Variants in PITPNM2 observed in about 807,000 individuals in gnomAD.
PITPNM2 encodes the protein phosphatidylinositol transfer protein membrane associated 2, also known as membrane-associated phosphatidylinositol transfer protein 2.
PITPNM2 carries 35 observed loss-of-function variants against 132.2 expected under a neutral mutation model. The observed-to-expected ratio is 0.26, with a 90% CI of 0.20 to 0.35. PITPNM2 has a LOEUF of 0.35. Among genes scored for constraint, PITPNM2 ranks in the 10% least tolerant of loss-of-function variants. PITPNM2 has a pLI of 1.00. For missense variants in PITPNM2, 1,332 were observed against 1,912.0 expected (o/e 0.70, Z 5.66); for synonymous variants, 738 against 799.2 (o/e 0.92, Z 1.29).
chr12:123,049,566 T>C (rs1380732475), intron 2 of PITPNM2, among the ~76,000 whole-genome samples: 1 of 152,194 alleles, frequency 6.6e-6, no homozygotes, highest in Non-Finnish European at 1.5e-5. Context: ...CCTCACTCCC[T>C]GGCATCAACC....
In PITPNM2 at chr12:122,997,628, G is replaced by A. The variant is rs1433959299; in HGVS notation, c.1225-56C>T. The stretch of plus-strand genomic sequence containing the variant: ...CCAGGGAACCCAGCTCCTTGCTGAG[G>A]CCCCTCTGTCACCCTTGTTGGGGGT... On this transcript the variant is annotated intron_variant, in intron 10 of 25. Transcript: ENST00000320201. The A allele has an allele frequency of 5.1e-6, 8 of 1,576,410 alleles. No individual in the cohort carries two copies. The East Asian group carries it at 1.6e-4, about 31-fold the overall frequency.
chr12:123,069,702 G>A (rs2041566237), intron 2 of PITPNM2, among the ~76,000 whole-genome samples: 1 of 152,206 alleles, frequency 6.6e-6, no homozygotes, highest in Non-Finnish European at 1.5e-5. Context: ...CCACATGTTT[G>A]CCTTGGAGCT....
chr12:122,990,380 C>A (rs1240967046), intron 17 of PITPNM2, among the ~76,000 whole-genome samples, 165 bp downstream of exon 17: 4 of 152,260 alleles, frequency 2.6e-5, no homozygotes, highest in Non-Finnish European at 5.9e-5. Flanking sequence ...CTGGCCCGGG[C>A]ACTGCAGGTG....
At chr12:123,015,637 T>C (rs1020055808) in intron 3 of PITPNM2, among the ~76,000 whole-genome samples, 7 of 152,102 alleles carry the variant, frequency 4.6e-5, no homozygotes, top group Admixed American at 2.0e-4. Flanking sequence ...AATCACAAAA[T>C]GATAAAACAG....
chr12:123,093,331 T>C (rs1198422976), intron 2 of PITPNM2, among the ~76,000 whole-genome samples: 1 of 152,140 alleles, frequency 6.6e-6, no homozygotes, highest in Non-Finnish European at 1.5e-5. Context: ...TAGAAGAAAA[T>C]GTTCTAAAAT....
Position 122,993,602 on chromosome 12 carries a change from A to T in PITPNM2, c.2234-933T>A, listed in dbSNP as rs531813140. ...CAGAATTTATTTAACCAGCCCCTCC[A>T]CATAGACGGACATTTAAGTTGGTTC... On this transcript the variant is annotated intron_variant, in intron 15 of 25. Coordinates refer to ENST00000320201, the MANE Select transcript of PITPNM2 (RefSeq NM_020845.3). The surrounding 1 kb of genome is among the most constrained non-coding windows in gnomAD (Gnocchi z 5.2). Among the ~76,000 whole-genome samples the T allele has an allele frequency of 1.5e-4, 23 of 152,292 alleles. 1 individual carries two copies. The South Asian group carries it at 3.9e-3, about 26-fold the overall frequency.
intron 3 of PITPNM2, among the ~76,000 whole-genome samples, chr12:123,019,163 G>A (rs555841674): frequency 3.3e-5 from 5 of 152,276 alleles, no homozygotes; most frequent in Admixed American, 3.3e-4. Flanking sequence ...TGAATATACC[G>A]AGAACCTTTG....
At chr12:123,125,648 G>A (rs886428757) in intron 1 of PITPNM2, among the ~76,000 whole-genome samples, 1 of 151,434 alleles carries the variant, frequency 6.6e-6, no homozygotes, top group Non-Finnish European at 1.5e-5. Flanking sequence ...TTTGAGACCA[G>A]CCTGACCAAC....
chr12:122,987,504 C>A lies in PITPNM2; in HGVS notation c.3263+7G>T. The A allele has an allele frequency of 6.2e-7, 1 of 1,612,664 alleles. No individual in the cohort carries two copies. On this transcript the variant is annotated splice_region_variant and intron_variant, in intron 22 of 25. Transcript: ENST00000320201. ...GCCTATCCCGCCCTCCCAGTGCAGG[C>A]ATATACCTGACCACCATCTTGATAG...
intron 2 of PITPNM2, among the ~76,000 whole-genome samples, chr12:123,103,340 G>C (rs148879046): frequency 5.3e-4 from 81 of 152,222 alleles, no homozygotes; most frequent in African/African-American, 2.0e-3. Flanking sequence ...TTATTTGTTC[G>C]GGCCTGACAC....
In PITPNM2 at chr12:122,986,233, C is replaced by A; in HGVS notation, c.3844G>T (p.Gly1282Cys). ...ALRKGSFGLP[G>C]QGDFLRSRNH... ...CGGGAGCGCAGAAAGTCGCCCTGGC[C>A]GGGCAGGCCGAAGCTGCCCTTGCGC... The change falls in exon 26 of 26, where the codon GGC (glycine) becomes TGC (cysteine). Residue 1282 changes from glycine (G) to cysteine (C), a missense_variant. Around this residue, in one of 6 missense-constraint regions of PITPNM2, gnomAD observed 163 missense variants for 177.2 expected, o/e 0.92. Coordinates refer to ENST00000320201, the MANE Select transcript of PITPNM2 (RefSeq NM_020845.3). 6.4e-7 allele frequency: 1 copy of A among 1,572,114 alleles called. No individual in the cohort carries two copies. Among genetic ancestry groups the A allele is most frequent in the Non-Finnish European group, 8.6e-7 (1 of 1,163,786 alleles).
chr12:122,996,120 C>G (rs1327346078), intron 13 of PITPNM2, among the ~76,000 whole-genome samples: 1 of 152,208 alleles, frequency 6.6e-6, no homozygotes, highest in Non-Finnish European at 1.5e-5. Context: ...GTGAGAAAAA[C>G]TGCTACAGCT....
chr12:122,985,669 A>C lies in PITPNM2; in HGVS notation c.*358T>G. 2 of 231,842 alleles carry C rather than the reference A, an allele frequency of 8.6e-6. No homozygotes were observed. 14.4% of individuals were successfully genotyped at this position (231,842 alleles called of 1,614,324 possible). A position where few individuals can be genotyped will look rare whatever the true frequency, so the allele number is the denominator to read the frequency against. Reference sequence around the variant, plus strand: ...AGGGGACCTGGGAGTGAGGGTGGCCAGTGGATGGGGAGGTGGCAGGCTGCG... The same window carrying C: ...AGGGGACCTGGGAGTGAGGGTGGCCCGTGGATGGGGAGGTGGCAGGCTGCG... On this transcript the variant is annotated 3_prime_UTR_variant, in exon 26 of 26. Coordinates refer to ENST00000320201, the MANE Select transcript of PITPNM2 (RefSeq NM_020845.3).
At chr12:123,109,545 C>A (rs1223812660) in intron 2 of PITPNM2, among the ~76,000 whole-genome samples, 1 of 152,204 alleles carries the variant, frequency 6.6e-6, no homozygotes, top group Non-Finnish European at 1.5e-5. Flanking sequence ...CATTAAAAAC[C>A]ACACTCATGC....
intron 1 of PITPNM2, among the ~76,000 whole-genome samples, chr12:123,147,553 T>C (rs1458168802): frequency 6.6e-6 from 1 of 152,126 alleles, no homozygotes; most frequent in South Asian, 2.1e-4. Context: ...TATAGAGAGA[T>C]TTATACATAA....
In PITPNM2 at chr12:123,100,951, C is replaced by T. The variant is rs575850472; in HGVS notation, c.-96+9434G>A. On this transcript the variant is annotated intron_variant, in intron 2 of 25. Transcript: ENST00000320201. ...ACATACGAAGGAACTGATCATTCCA[C>T]GTGCCCCATTCCCCACACATACCCC... 1.1e-4 allele frequency among the ~76,000 whole-genome samples: 16 copies of T among 152,312 alleles called. 1 individual carries two copies. The South Asian group carries it at 2.9e-3, about 28-fold the overall frequency.
intron 3 of PITPNM2, among the ~76,000 whole-genome samples, chr12:123,019,342 C>A (rs1466698231): frequency 6.6e-6 from 1 of 152,128 alleles, no homozygotes; most frequent in Admixed American, 6.6e-5. Context: ...TTTTGCAAGA[C>A]CATCAGGGTA....
At chr12:123,016,325 T>C (rs1296146590) in intron 3 of PITPNM2, among the ~76,000 whole-genome samples, 2 of 146,580 alleles carry the variant, frequency 1.4e-5, no homozygotes, top group African/African-American at 5.0e-5. Flanking sequence ...GATTCTGTCT[T>C]TTTTTTTTTG....
chr12:123,042,086 G>A (rs997191909), intron 2 of PITPNM2, among the ~76,000 whole-genome samples: 2 of 152,050 alleles, frequency 1.3e-5, no homozygotes, highest in Non-Finnish European at 2.9e-5. Context: ...AGGGTTCCAG[G>A]CACAGGCAGA....
Sources: allele counts gnomAD v4.1 joint callset (sites outside exome capture counted in the v4.1 genomes callset), GRCh38; gene constraint gnomAD v4.1.1; regional missense constraint gnomAD v4.1.1; non-coding constraint Gnocchi (gnomAD v3.1); transcripts MANE v1.5; gene names NCBI Gene and HGNC (gene_info 2026-07-23, HGNC 2026-07-21).